The following SCUBE2 variants were observed in gnomAD, a reference collection of about 807,000 sequenced individuals.
The protein encoded by SCUBE2 is signal peptide, CUB domain and EGF like domain containing 2, also known as signal peptide, CUB and EGF-like domain-containing protein 2.
Under a neutral mutation model 125.9 loss-of-function variants are expected in SCUBE2, and 114 were observed. The observed-to-expected ratio is 0.91, with a 90% CI of 0.78 to 1.06. The LOEUF is 1.06. Ranked by LOEUF, SCUBE2 falls within the 50% of genes least tolerant of loss-of-function variation. The probability of loss-of-function intolerance (pLI) is 0.00; values close to 1 mark genes in which losing one functional copy is unlikely to be tolerated. For synonymous variants in SCUBE2, 459 were observed against 492.9 expected (o/e 0.93, Z 0.91); for missense variants, 1,255 against 1,301.8 (o/e 0.96, Z 0.55).
intron 22 of SCUBE2, 133 bp from the exon 23 acceptor site, chr11:9,021,330 C>T (rs1037275472): frequency 5.0e-6 from 3 of 600,558 alleles, no homozygotes; most frequent in Non-Finnish European, 7.6e-6. Context: ...ATTGTTTCCT[C>T]TGATTTTTAT....
At position 9,089,801 on chromosome 11, in the gene SCUBE2, A is replaced by G. The variant is rs1388788077; in HGVS notation, c.162T>C (p.Asp54=). The change falls in exon 2 of 23, where the codon GAT becomes GAC. Residue 54 remains aspartate, a synonymous_variant. Transcript: ENST00000649792. ...EDVDECAQGL[D]DCHADALCQN... is the part of the protein sequence containing the mutation. ...GACACAGGGCGTCGGCATGGCAGTC[A>G]TCTAGCCCTTGGGCACACTCATCTA... 8 of 1,613,922 alleles carry G rather than the reference A, an allele frequency of 5.0e-6. 1 individual carries two copies. Among genetic ancestry groups the G allele is most frequent in the Non-Finnish European group, 6.8e-6 (8 of 1,179,912 alleles).
intron 6 of SCUBE2, among the ~76,000 whole-genome samples, chr11:9,066,464 G>A (rs533005845): frequency 9.9e-5 from 15 of 152,232 alleles, no homozygotes; most frequent in Non-Finnish European, 2.2e-4. Context: ...CCAGCGTTAG[G>A]AGCAGCCTAG....
intron 13 of SCUBE2, among the ~76,000 whole-genome samples, chr11:9,051,237 C>CCTAT (rs796910729): frequency 1.8e-3 from 268 of 150,382 alleles, no homozygotes; most frequent in African/African-American, 4.9e-3. Flanking sequence ...TACCTACCTA[C>CCTAT]CTATCTATCT....
intron 21 of SCUBE2, among the ~76,000 whole-genome samples, chr11:9,025,010 T>C (rs1855603982): frequency 6.6e-6 from 1 of 152,194 alleles, no homozygotes; most frequent in South Asian, 2.1e-4. Context: ...AAATGACTCC[T>C]CTCCTACAGG....
At chr11:9,069,311 G>C in intron 5 of SCUBE2, 59 bp downstream of exon 5, 1 of 1,602,190 alleles carries the variant, frequency 6.2e-7, no homozygotes, top group Non-Finnish European at 8.5e-7. Context: ...CTGGGCCACA[G>C]AAGGCAGCCT....
chr11:9,034,802 G>C (rs1230518500), intron 16 of SCUBE2, among the ~76,000 whole-genome samples: 12 of 149,620 alleles, frequency 8.0e-5, no homozygotes, highest in Non-Finnish European at 8.9e-5. Context: ...CCAACATGGA[G>C]AAACCCCGTC....
chr11:9,048,556 A>C (rs1858031794), intron 14 of SCUBE2, among the ~76,000 whole-genome samples: 1 of 152,222 alleles, frequency 6.6e-6, no homozygotes, highest in East Asian at 1.9e-4. Context: ...CTGACCTTGG[A>C]GTCATTCTAA....
intron 16 of SCUBE2, among the ~76,000 whole-genome samples, chr11:9,036,193 A>G (rs1188562480): frequency 6.6e-6 from 1 of 152,210 alleles, no homozygotes; most frequent in Non-Finnish European, 1.5e-5. Context: ...GCCGACTACA[A>G]TTTTATATTT....
intron 10 of SCUBE2, 124 bp downstream of exon 10, chr11:9,055,669 T>C (rs966513041): frequency 1.4e-6 from 1 of 724,644 alleles, no homozygotes; most frequent in Non-Finnish European, 2.5e-6. Flanking sequence ...TCACCGCTAT[T>C]GCTCAGGGAC....
Position 9,022,062 on chromosome 11 carries a change from A to C in SCUBE2, c.2855-107T>G, listed in dbSNP as rs113242559. ...GAGAAATGCCCCTTCTGTGGCTGCT[A>C]TCACTTACCATTCTGCTTACTGAGA... On this transcript the variant is annotated intron_variant, in intron 21 of 22. Transcript: ENST00000649792. 184 of 765,734 alleles carry C rather than the reference A, an allele frequency of 2.4e-4. 1 individual carries two copies. The African/African-American group carries it at 2.4e-3, about 10-fold the overall frequency. 47.4% of individuals were successfully genotyped at this position (765,734 alleles called of 1,614,324 possible).
chr11:9,071,710 A>C (rs1860814695), intron 4 of SCUBE2, among the ~76,000 whole-genome samples: 2 of 152,198 alleles, frequency 1.3e-5, no homozygotes, highest in South Asian at 4.1e-4. Flanking sequence ...CTGGAAACCA[A>C]ACAAAAATAT....
intron 2 of SCUBE2, among the ~76,000 whole-genome samples, chr11:9,085,053 C>A (rs1861943062): frequency 6.6e-6 from 1 of 152,134 alleles, no homozygotes; most frequent in African/African-American, 2.4e-5. Context: ...GGCCTCATAT[C>A]AATTCTTATA....
intron 22 of SCUBE2, among the ~76,000 whole-genome samples, 173 bp from the exon 23 acceptor site, chr11:9,021,370 A>G (rs1855281253): frequency 1.3e-5 from 2 of 152,116 alleles, no homozygotes; most frequent in South Asian, 4.1e-4. Context: ...TTTCCTAATT[A>G]GTTTTAAGAA....
In SCUBE2 at chr11:9,030,945, T is replaced by C; in HGVS notation, c.2174-20A>G. ...ACAGACCTGGAAGGACCAATAGCCT[T>C]ACGTGAGCAAGGCCTCCAGGCAGAC... On this transcript the variant is annotated intron_variant, in intron 17 of 22. Coordinates refer to ENST00000649792, the MANE Select transcript of SCUBE2 (RefSeq NM_001367977.2). The C allele has an allele frequency of 6.2e-7, 1 of 1,605,358 alleles. No individual in the cohort carries two copies. Among genetic ancestry groups the C allele is most frequent in the Non-Finnish European group, 8.5e-7 (1 of 1,174,660 alleles).
intron 16 of SCUBE2, among the ~76,000 whole-genome samples, chr11:9,045,338 G>C (rs905181354): frequency 3.3e-5 from 5 of 152,034 alleles, no homozygotes; most frequent in African/African-American, 9.7e-5. Context: ...TGTGCCATTT[G>C]AAACAGGCAC....
intron 16 of SCUBE2, among the ~76,000 whole-genome samples, chr11:9,043,604 A>C (rs1257866176): frequency 2.7e-5 from 4 of 149,900 alleles, no homozygotes; most frequent in African/African-American, 7.4e-5. Flanking sequence ...AAAATATACA[A>C]TTGGTCAGAA....
At position 9,053,079 on chromosome 11, in the gene SCUBE2, G is replaced by A. The variant is rs368360934; in HGVS notation, c.1447+20C>T. 107 of 1,602,400 alleles carry A rather than the reference G, an allele frequency of 6.7e-5. No individual in the cohort carries two copies. Among genetic ancestry groups the A allele is most frequent in the Non-Finnish European group, 8.3e-5 (97 of 1,169,662 alleles). On this transcript the variant is annotated intron_variant, in intron 12 of 22. Coordinates refer to ENST00000649792, the MANE Select transcript of SCUBE2 (RefSeq NM_001367977.2). Reference sequence around the variant, plus strand: ...TGGCCCCAGTGTGAGGACCTGCCCCGGGAACTGGGCCCCACTCACCTGAAG... The same window carrying A: ...TGGCCCCAGTGTGAGGACCTGCCCCAGGAACTGGGCCCCACTCACCTGAAG...
intron 2 of SCUBE2, among the ~76,000 whole-genome samples, chr11:9,086,198 T>C (rs543715489): frequency 6.6e-6 from 1 of 152,302 alleles, no homozygotes; most frequent in South Asian, 2.1e-4. Flanking sequence ...GAATAAAAGA[T>C]TACCTAAAGC....
At chr11:9,031,114 G>A (rs1856265561) in intron 17 of SCUBE2, 189 bp from the exon 18 acceptor site, 1 of 573,568 alleles carries the variant, frequency 1.7e-6, no homozygotes, top group Admixed American at 3.1e-5. Context: ...AGTGCCTGCT[G>A]TTTACACACA....
Sources: allele counts gnomAD v4.1 joint callset (sites outside exome capture counted in the v4.1 genomes callset), GRCh38; gene constraint gnomAD v4.1.1; transcripts MANE v1.5; gene names NCBI Gene and HGNC (gene_info 2026-07-23, HGNC 2026-07-21).